The following RBFOX1 variants were observed in gnomAD, a reference collection of about 807,000 sequenced individuals.
RBFOX1 encodes RNA binding fox-1 homolog 1, also known as RNA binding protein fox-1 homolog 1.
A neutral mutation model predicts 57.7 loss-of-function variants in RBFOX1; 8 were observed. The observed-to-expected ratio is 0.14, with a 90% confidence interval of 0.08 to 0.25. RBFOX1 has a LOEUF of 0.25. RBFOX1 is among the 10% of genes least tolerant of loss of function. RBFOX1 has a pLI of 1.00. For missense variants in RBFOX1, 611 were observed against 548.5 expected, an observed-to-expected ratio of 1.11 and a Z score of -1.14; for synonymous variants, 326 against 222.4, an observed-to-expected ratio of 1.47 and a Z score of -4.15.
At chr16:5,601,773 T>G (rs1020045031), downstream of RBFOX1, 6 of 152,206 alleles carry the variant, frequency 3.9e-5, no homozygotes, top group Non-Finnish European at 7.3e-5. Flanking sequence ...CACAGAAGCT[T>G]TTGAAGGGAA....
chr16:6,408,461 C>T (rs1430667688), intron 2 of RBFOX1, among the ~76,000 whole-genome samples: 1 of 152,146 alleles, frequency 6.6e-6, no homozygotes, highest in Non-Finnish European at 1.5e-5. Flanking sequence ...GATCTTTATG[C>T]AGCTGGTGCT....
chr16:6,614,942 A>G (rs2098121442), intron 2 of RBFOX1, among the ~76,000 whole-genome samples: 1 of 152,216 alleles, frequency 6.6e-6, no homozygotes, highest in African/African-American at 2.4e-5. Context: ...TGTTGCTAAC[A>G]GACACTTTAA....
At chr16:6,589,483 G>T (rs1019072453) in intron 2 of RBFOX1, among the ~76,000 whole-genome samples, 2 of 152,190 alleles carry the variant, frequency 1.3e-5, no homozygotes, top group East Asian at 1.9e-4. Context: ...CCACAGACCA[G>T]ATGAGCCAGT....
At chr16:5,850,098 G>A (rs1275359387) in intron 3 of RBFOX1, among the ~76,000 whole-genome samples, 1 of 152,174 alleles carries the variant, frequency 6.6e-6, no homozygotes, top group East Asian at 1.9e-4. Flanking sequence ...CCCAGGCTGG[G>A]AGTCTGGGTT....
At chr16:7,323,276 T>G (rs2096569115) in intron 4 of RBFOX1, among the ~76,000 whole-genome samples, 1 of 151,988 alleles carries the variant, frequency 6.6e-6, no homozygotes, top group Non-Finnish European at 1.5e-5. Context: ...AGTTTAAAAA[T>G]TGCCAGACGT....
At chr16:6,654,450 A>C (rs1002321114) in intron 2 of RBFOX1, among the ~76,000 whole-genome samples, 153 bp from the exon 3 acceptor site, 4 of 152,316 alleles carry the variant, frequency 2.6e-5, no homozygotes, top group Non-Finnish European at 5.9e-5. Context: ...TTTAAAAAGC[A>C]CTATAAAGAG....
At chr16:5,708,954 C>T (rs1217654863) in intron 3 of RBFOX1, among the ~76,000 whole-genome samples, 1 of 152,182 alleles carries the variant, frequency 6.6e-6, no homozygotes, top group Non-Finnish European at 1.5e-5. Context: ...AGAAAGAGAG[C>T]AAGAGAGAAC....
chr16:6,981,505 A>T (rs1269079128), intron 3 of RBFOX1, among the ~76,000 whole-genome samples: 1 of 152,142 alleles, frequency 6.6e-6, no homozygotes, highest in Non-Finnish European at 1.5e-5. Flanking sequence ...GTCTGTTCTC[A>T]TGCTGCTAAT....
intron 14 of RBFOX1, among the ~76,000 whole-genome samples, chr16:7,695,649 CAAAAAAAAAA>C (rs34363093): frequency 4.1e-5 from 4 of 98,400 alleles, no homozygotes; most frequent in Non-Finnish European, 7.7e-5. Context: ...AAGCCTCCAT[CAAAAAAAAAA>C]AAAAAAAAAA....
chr16:6,707,438 G>C (rs772867069), intron 3 of RBFOX1, among the ~76,000 whole-genome samples: 1 of 150,340 alleles, frequency 6.7e-6, no homozygotes, highest in African/African-American at 2.5e-5. Flanking sequence ...AACTACATGT[G>C]GGAAAATGCT....
At chr16:7,661,704 C>T (rs1421762953) in intron 12 of RBFOX1, among the ~76,000 whole-genome samples, 4 of 152,170 alleles carry the variant, frequency 2.6e-5, no homozygotes, top group East Asian at 3.8e-4. Context: ...TTCATGCCTT[C>T]GCATAGTAGT....
intron 3 of RBFOX1, among the ~76,000 whole-genome samples, chr16:5,685,238 G>A (rs924734147): frequency 9.2e-5 from 14 of 152,134 alleles, no homozygotes; most frequent in Non-Finnish European, 2.9e-5. Flanking sequence ...TTTTTTGATA[G>A]GACATCCAGA....
chr16:7,234,588 A>ATGTGTG lies in RBFOX1; in HGVS notation c.27+182506_27+182511dup, dbSNP rs138784510. On this transcript the variant is annotated intron_variant, in intron 4 of 15. Transcript: ENST00000550418. ...TGTTGCAAATGACATGTGTATACAT[A>ATGTGTG]TGTGTGTGTGTGTGTGTGTGTATAT... Among the ~76,000 whole-genome samples, 719 of 141,868 alleles carry ATGTGTG rather than the reference A, an allele frequency of 5.1e-3. 4 individuals carry two copies. Among genetic ancestry groups the ATGTGTG allele is most frequent in the African/African-American group, 0.017 (665 of 38,328 alleles). 93.1% of individuals were successfully genotyped at this position (141,868 alleles called of 152,430 possible). A position where few individuals can be genotyped will look rare whatever the true frequency, so the allele number is the denominator to read the frequency against.
At chr16:6,227,181 C>G (rs971732387) in intron 1 of RBFOX1, among the ~76,000 whole-genome samples, 1 of 152,004 alleles carries the variant, frequency 6.6e-6, no homozygotes, top group Non-Finnish European at 1.5e-5. Flanking sequence ...GTTGCAGACA[C>G]TATTAGCTGT....
intron 3 of RBFOX1, among the ~76,000 whole-genome samples, chr16:6,759,851 C>T (rs551326705): frequency 7.2e-5 from 11 of 152,188 alleles, no homozygotes; most frequent in Middle Eastern, 3.4e-3. Flanking sequence ...TGGAAAATTA[C>T]CCAAATGGCC....
intron 4 of RBFOX1, among the ~76,000 whole-genome samples, chr16:7,517,216 AAG>A (rs985501535): frequency 7.6e-6 from 1 of 132,054 alleles, no homozygotes; most frequent in African/African-American, 2.9e-5. Context: ...GGAGGAGGTA[AAG>A]AGAGAGAGCT....
chr16:7,593,253 G>A (rs959715464), intron 7 of RBFOX1, among the ~76,000 whole-genome samples: 1 of 152,122 alleles, frequency 6.6e-6, no homozygotes. Context: ...ACAAAGCAAG[G>A]CTCAGGAATC....
chr16:6,824,657 C>A (rs1051473128), intron 3 of RBFOX1, among the ~76,000 whole-genome samples: 1 of 152,098 alleles, frequency 6.6e-6, no homozygotes, highest in Non-Finnish European at 1.5e-5. Context: ...AAAAGAGGTT[C>A]TTGGATTCAT....
At chr16:5,542,244 AT>A (rs5815254) in intron 2 of RBFOX1, among the ~76,000 whole-genome samples, 1,830 of 122,520 alleles carry the variant, frequency 0.015, 13 homozygotes, top group African/African-American at 0.038. Flanking sequence ...ACAGGTATTG[AT>A]TTTTTTTTTT....
Sources: gnomAD v4.1 joint callset for allele counts (sites outside exome capture counted in the v4.1 genomes callset) on GRCh38, gnomAD v4.1.1 for gene constraint, MANE v1.5 for transcripts, NCBI Gene and HGNC (gene_info 2026-07-23, HGNC 2026-07-21) for gene names.